AFF3: variants seen among roughly 807,000 people sequenced by gnomAD.
AFF3 encodes ALF transcription elongation factor 3, also known as AF4/FMR2 family member 3.
In AFF3, 32 loss-of-function variants were observed where a neutral mutation model predicts 129.7. The ratio of observed to expected loss-of-function variants is 0.25; its 90% confidence interval spans 0.19 to 0.33. AFF3 has a LOEUF of 0.33. Ranked by LOEUF, AFF3 falls within the 10% of genes least tolerant of loss-of-function variation. The pLI, the probability that AFF3 is intolerant of heterozygous loss-of-function variation, is 1.00. For synonymous variants in AFF3, 644 were observed against 635.4 expected, an observed-to-expected ratio of 1.01 and a Z score of -0.20; for missense variants, 1,373 against 1,592.0, an observed-to-expected ratio of 0.86 and a Z score of 2.34.
At chr2:100,038,030 T>C (rs528053653) in intron 4 of AFF3, among the ~76,000 whole-genome samples, 2 of 151,610 alleles carry the variant, frequency 1.3e-5, no homozygotes, top group African/African-American at 4.8e-5. Flanking sequence ...CTTTTCAAGG[T>C]CAATTATTAT....
At chr2:99,874,102 G>A (rs764151888) in intron 7 of AFF3, among the ~76,000 whole-genome samples, 4 of 152,080 alleles carry the variant, frequency 2.6e-5, no homozygotes, top group East Asian at 1.9e-4. Flanking sequence ...GCGTGAACCC[G>A]GGAGGTGGAG....
chr2:99,727,317 C>T (rs1230717139), intron 10 of AFF3, among the ~76,000 whole-genome samples, 189 bp from the exon 11 acceptor site: 1 of 152,158 alleles, frequency 6.6e-6, no homozygotes, highest in Non-Finnish European at 1.5e-5. Flanking sequence ...ATGCAACTGC[C>T]CAGGCACAAA....
intron 7 of AFF3, among the ~76,000 whole-genome samples, chr2:99,937,399 G>T (rs537359105): frequency 6.7e-6 from 1 of 148,826 alleles, no homozygotes; most frequent in Non-Finnish European, 1.5e-5. Flanking sequence ...ATGAATTGAA[G>T]GATTTTTTTT....
At chr2:99,989,495 T>C (rs940229275) in intron 7 of AFF3, among the ~76,000 whole-genome samples, 3 of 152,266 alleles carry the variant, frequency 2.0e-5, no homozygotes, top group African/African-American at 4.8e-5. Flanking sequence ...CAATGGTTTA[T>C]ATTTTTAATA....
At chr2:99,728,153 T>C (rs374721246) in intron 10 of AFF3, among the ~76,000 whole-genome samples, 7 of 152,326 alleles carry the variant, frequency 4.6e-5, no homozygotes, top group East Asian at 3.9e-4. Context: ...CCTTAATCAA[T>C]TGGTGGTTTG....
chr2:99,672,488 C>G (rs1233147030), intron 12 of AFF3, 50 bp downstream of exon 12: 1 of 1,581,234 alleles, frequency 6.3e-7, no homozygotes, highest in Non-Finnish European at 8.7e-7. Context: ...CACCAGGTAA[C>G]TGTTACCAGT....
chr2:99,960,903 C>T (rs1677156521), intron 7 of AFF3, among the ~76,000 whole-genome samples: 1 of 152,200 alleles, frequency 6.6e-6, no homozygotes, highest in East Asian at 1.9e-4. Flanking sequence ...GCGGCTCCTT[C>T]TGAGCTGCCC....
At chr2:99,836,446 C>A (rs939862799) in intron 8 of AFF3, among the ~76,000 whole-genome samples, 1 of 152,020 alleles carries the variant, frequency 6.6e-6, no homozygotes, top group African/African-American at 2.4e-5. Context: ...CCTGTTTTGA[C>A]AATTGCTTTC....
intron 4 of AFF3, among the ~76,000 whole-genome samples, chr2:100,084,102 T>C (rs1014145400): frequency 6.6e-6 from 1 of 152,248 alleles, no homozygotes; most frequent in African/African-American, 2.4e-5. Flanking sequence ...GTTGATGCCT[T>C]TGGGCATATA....
At chr2:100,035,546 C>A (rs1416761592) in intron 4 of AFF3, among the ~76,000 whole-genome samples, 2 of 152,134 alleles carry the variant, frequency 1.3e-5, no homozygotes, top group East Asian at 1.9e-4. Flanking sequence ...GAGCAGACAC[C>A]ACAAAGTATG....
chr2:99,680,350 G>A (rs1222110555), intron 11 of AFF3, among the ~76,000 whole-genome samples: 2 of 152,166 alleles, frequency 1.3e-5, no homozygotes, highest in Non-Finnish European at 2.9e-5. Context: ...TGAGCTCGAT[G>A]TTCTCAGTAT....
At chr2:99,955,014 G>GAA (rs538346279) in intron 7 of AFF3, among the ~76,000 whole-genome samples, 1 of 151,104 alleles carries the variant, frequency 6.6e-6, no homozygotes, top group African/African-American at 2.4e-5. Context: ...AAGAAAGCTG[G>GAA]AAAAAAAAGT....
intron 12 of AFF3, among the ~76,000 whole-genome samples, chr2:99,663,671 CCATGTT>C (rs1469357089): frequency 6.6e-6 from 1 of 152,114 alleles, no homozygotes; most frequent in Non-Finnish European, 1.5e-5. Context: ...AGGGGATAAA[CCATGTT>C]CATTTAAAGA....
At chr2:99,815,705 G>GTTT (rs112496330) in intron 8 of AFF3, among the ~76,000 whole-genome samples, 1 of 142,106 alleles carries the variant, frequency 7.0e-6, no homozygotes, top group African/African-American at 2.6e-5. Flanking sequence ...TGGGTTGAGA[G>GTTT]TTTTTTTTTT....
chr2:100,037,365 A>G (rs781577201), intron 4 of AFF3, among the ~76,000 whole-genome samples: 2 of 145,126 alleles, frequency 1.4e-5, no homozygotes, highest in Non-Finnish European at 3.0e-5. Context: ...GAATACACAT[A>G]TTTTATACAT....
chr2:99,786,895 G>A (rs567588186), intron 8 of AFF3, among the ~76,000 whole-genome samples: 20 of 152,180 alleles, frequency 1.3e-4, no homozygotes, highest in African/African-American at 4.8e-4. Flanking sequence ...GATACACACA[G>A]TAATGCTTCT....
chr2:100,104,634 C>G (rs1480560143), intron 3 of AFF3, 116 bp from the exon 4 acceptor site: 8 of 966,720 alleles, frequency 8.3e-6, no homozygotes, highest in Non-Finnish European at 9.8e-6. Flanking sequence ...GACTCCGGGC[C>G]GGCCGGGCTG....
At chr2:99,714,145 T>C (rs1407168676) in intron 11 of AFF3, among the ~76,000 whole-genome samples, 2 of 152,194 alleles carry the variant, frequency 1.3e-5, no homozygotes, top group Admixed American at 6.5e-5. Flanking sequence ...TTTAGTGTTT[T>C]ATTCTGAGAG....
intron 8 of AFF3, among the ~76,000 whole-genome samples, chr2:99,771,866 G>A (rs945245349): frequency 2.0e-5 from 3 of 152,154 alleles, no homozygotes; most frequent in Non-Finnish European, 4.4e-5. Flanking sequence ...TGCAGGGCAG[G>A]GGCCACTGTG....
Sources: allele counts gnomAD v4.1 joint callset (sites outside exome capture counted in the v4.1 genomes callset), GRCh38; gene constraint gnomAD v4.1.1; transcripts MANE v1.5; gene names NCBI Gene and HGNC (gene_info 2026-07-23, HGNC 2026-07-21).